FHIT: variants seen among roughly 807,000 people sequenced by gnomAD.
FHIT encodes the protein fragile histidine triad diadenosine triphosphatase.
Under a neutral mutation model 17.9 loss-of-function variants are expected in FHIT, and 19 were observed. The observed-to-expected ratio is 1.06, with a 90% CI of 0.74 to 1.56. The LOEUF is 1.56. Ranked by LOEUF, FHIT falls within the 40% of genes most tolerant of loss-of-function variation. The pLI is 0.00. For synonymous variants in FHIT, 81 were observed against 69.7 expected (o/e 1.16, Z -0.81); for missense variants, 248 against 189.2 (o/e 1.31, Z -1.82).
intron 5 of FHIT, among the ~76,000 whole-genome samples, chr3:60,372,798 A>G (rs1700384820): frequency 6.6e-6 from 1 of 151,986 alleles, no homozygotes; most frequent in African/African-American, 2.4e-5. Context: ...TTTAAAATGT[A>G]TTTGGAGGCT....
At chr3:60,858,509 C>G (rs1703478064) in intron 3 of FHIT, among the ~76,000 whole-genome samples, 1 of 152,146 alleles carries the variant, frequency 6.6e-6, no homozygotes, top group African/African-American at 2.4e-5. Flanking sequence ...GAACTCTGTT[C>G]ACATATTACA....
In FHIT at chr3:60,322,318, G is replaced by C. The variant is rs75810655; in HGVS notation, c.103+214542C>G. Among the ~76,000 whole-genome samples, 1,223 of 152,278 alleles carry C rather than the reference G, an allele frequency of 8.0e-3. 13 individuals carry two copies. The highest frequency in any genetic ancestry group is 0.028 in the African/African-American group (1,163 of 41,538). ...AATACATGACATACTACAATGTGAA[G>C]GTGGTTTTGCATGTGTCATCACATG... is the stretch of plus-strand genomic sequence containing the variant. On this transcript the variant is annotated intron_variant, in intron 5 of 9. Transcript: ENST00000492590.
intron 4 of FHIT, among the ~76,000 whole-genome samples, chr3:60,708,304 C>T (rs1282506901): frequency 6.6e-6 from 1 of 152,142 alleles, no homozygotes; most frequent in Non-Finnish European, 1.5e-5. Flanking sequence ...AACCAGAGAG[C>T]ATGTATGATT....
At chr3:59,894,287 T>C (rs1703974068) in intron 8 of FHIT, among the ~76,000 whole-genome samples, 3 of 152,162 alleles carry the variant, frequency 2.0e-5, no homozygotes, top group African/African-American at 7.2e-5. Flanking sequence ...TAAATACATA[T>C]GGATGTTTGA....
At chr3:60,115,955 G>A (rs948415398) in intron 5 of FHIT, among the ~76,000 whole-genome samples, 1 of 152,158 alleles carries the variant, frequency 6.6e-6, no homozygotes, top group Non-Finnish European at 1.5e-5. Context: ...GATGGTTATA[G>A]ATGAGAAGTT....
At chr3:60,399,110 A>G (rs1185586543) in intron 5 of FHIT, among the ~76,000 whole-genome samples, 1 of 152,196 alleles carries the variant, frequency 6.6e-6, no homozygotes, top group Non-Finnish European at 1.5e-5. Flanking sequence ...CACTGTAACA[A>G]TAATTTGCTG....
chr3:60,517,316 T>C (rs922013067), intron 5 of FHIT, among the ~76,000 whole-genome samples: 2 of 152,246 alleles, frequency 1.3e-5, no homozygotes, highest in African/African-American at 2.4e-5. Context: ...CCATATATGA[T>C]GCAATACATG....
chr3:60,529,984 G>A lies in FHIT; in HGVS notation c.103+6876C>T, dbSNP rs2035715306. Among the ~76,000 whole-genome samples the A allele has an allele frequency of 3.3e-5, 5 of 152,006 alleles. No homozygotes were observed. In the South Asian group the frequency reaches 1.0e-3, roughly 32 times the overall value. On this transcript the variant is annotated intron_variant, in intron 5 of 9. Transcript: ENST00000492590. Reference sequence around the variant, plus strand: ...GCAAAAGTGACTCTACAGCCTTTATGCAATTCTGAGAAATGTACCTGCTAA... The same window carrying A: ...GCAAAAGTGACTCTACAGCCTTTATACAATTCTGAGAAATGTACCTGCTAA...
chr3:60,421,543 A>G (rs1439419813), intron 5 of FHIT, among the ~76,000 whole-genome samples: 8 of 152,232 alleles, frequency 5.3e-5, no homozygotes, highest in African/African-American at 1.9e-4. Context: ...CTAGGAGAAA[A>G]TCATGATGCT....
chr3:60,406,068 C>T (rs1192433984), intron 5 of FHIT, among the ~76,000 whole-genome samples: 2 of 152,062 alleles, frequency 1.3e-5, no homozygotes, highest in African/African-American at 2.4e-5. Flanking sequence ...TAATAAAAGC[C>T]GCATGTCTGC....
chr3:60,609,224 T>C (rs2038703967), intron 4 of FHIT, among the ~76,000 whole-genome samples: 1 of 152,146 alleles, frequency 6.6e-6, no homozygotes, highest in Non-Finnish European at 1.5e-5. Flanking sequence ...ATGGGAGGCA[T>C]AAGTATGTCC....
chr3:61,109,423 T>C (rs2036088317), intron 2 of FHIT, among the ~76,000 whole-genome samples: 1 of 152,032 alleles, frequency 6.6e-6, no homozygotes. Flanking sequence ...TTGTTTGGGG[T>C]TAAGTGAAGG....
intron 3 of FHIT, among the ~76,000 whole-genome samples, chr3:60,857,912 A>C (rs1703453609): frequency 6.6e-6 from 1 of 152,170 alleles, no homozygotes; most frequent in Admixed American, 6.5e-5. Flanking sequence ...TGGGCTTTTT[A>C]AGATTCCATC....
At chr3:61,054,395 C>G (rs2034141232) in intron 2 of FHIT, among the ~76,000 whole-genome samples, 1 of 151,450 alleles carries the variant, frequency 6.6e-6, no homozygotes, top group African/African-American at 2.4e-5. Flanking sequence ...ATCTGTGATT[C>G]CATATGATAA....
intron 3 of FHIT, among the ~76,000 whole-genome samples, chr3:60,877,907 G>C (rs540326531): frequency 7.2e-5 from 11 of 152,186 alleles, no homozygotes; most frequent in East Asian, 3.9e-4. Flanking sequence ...TAGGGTACTT[G>C]CTGCCACTGC....
chr3:60,553,535 G>GAGGGGGA (rs1559534685), intron 4 of FHIT: 5 of 121,640 alleles, frequency 4.1e-5, no homozygotes, highest in African/African-American at 1.6e-4. Flanking sequence ...AGAGAGAGAG[G>GAGGGGGA]GAGAGAGAGA....
intron 5 of FHIT, among the ~76,000 whole-genome samples, chr3:60,321,824 T>C (rs1472708197): frequency 6.6e-6 from 1 of 152,232 alleles, no homozygotes; most frequent in Non-Finnish European, 1.5e-5. Context: ...TGCTTTAAGA[T>C]GGCGCCTTCT....
At chr3:60,919,305 T>C (rs2107306192) in intron 3 of FHIT, among the ~76,000 whole-genome samples, 1 of 152,288 alleles carries the variant, frequency 6.6e-6, no homozygotes, top group East Asian at 1.9e-4. Flanking sequence ...AATTCCATTA[T>C]ACCATTTCAT....
At chr3:60,623,929 T>C (rs1208404533) in intron 4 of FHIT, among the ~76,000 whole-genome samples, 2 of 152,194 alleles carry the variant, frequency 1.3e-5, no homozygotes, top group African/African-American at 4.8e-5. Flanking sequence ...TCAGGCACTG[T>C]GCTATACAAC....
Sources: gnomAD v4.1 joint callset for allele counts (sites outside exome capture counted in the v4.1 genomes callset) on GRCh38, gnomAD v4.1.1 for gene constraint, MANE v1.5 for transcripts, NCBI Gene and HGNC (gene_info 2026-07-23, HGNC 2026-07-21) for gene names.